The following POU2AF2 variants were observed in gnomAD, a reference collection of about 807,000 sequenced individuals.
POU2AF2 encodes POU class 2 homeobox associating factor 2.
At chr11:111,255,023 G>T in the POU2AF2 span, among the ~76,000 whole-genome samples, 18 of 152,110 alleles carry the variant, frequency 1.2e-4, no homozygotes, top group African/African-American at 4.1e-4. Flanking sequence ...CCAAACAAAA[G>T]GTTCTCTTAT....
At chr11:111,255,944 T>G in the POU2AF2 span, 2 of 398,982 alleles carry the variant, frequency 5.0e-6, no homozygotes, top group Non-Finnish European at 8.8e-6. Flanking sequence ...AACCTAATGA[T>G]TCCATCCACA....
At chr11:111,248,453 C>T in the POU2AF2 span, among the ~76,000 whole-genome samples, 35,290 of 152,052 alleles carry the variant, frequency 0.23, 4,549 homozygotes, top group South Asian at 0.29. Context: ...AGAGAATGGA[C>T]CAAATATAGA....
chr11:111,271,044 G>A, the POU2AF2 span, among the ~76,000 whole-genome samples: 6 of 152,162 alleles, frequency 3.9e-5, no homozygotes, highest in African/African-American at 7.2e-5. Context: ...AGTTCTGGGC[G>A]GGGTGCAGTG....
At chr11:111,268,051 A>C in the POU2AF2 span, among the ~76,000 whole-genome samples, 7 of 152,250 alleles carry the variant, frequency 4.6e-5, no homozygotes, top group Admixed American at 6.5e-5. Context: ...AAGAAGAAGA[A>C]GTCGAATACA....
At chr11:111,259,591 C>T in the POU2AF2 span, among the ~76,000 whole-genome samples, 2 of 152,130 alleles carry the variant, frequency 1.3e-5, no homozygotes, top group Admixed American at 6.5e-5. Context: ...GCTGGGATTA[C>T]AGGCGTGAGC....
At chr11:111,262,673 G>T in the POU2AF2 span, among the ~76,000 whole-genome samples, 3 of 152,110 alleles carry the variant, frequency 2.0e-5, no homozygotes, top group African/African-American at 7.2e-5. Context: ...CCTCCTTCTG[G>T]CTACAAATGG....
the POU2AF2 span, among the ~76,000 whole-genome samples, chr11:111,265,070 G>A: frequency 2.6e-5 from 4 of 152,062 alleles, no homozygotes; most frequent in African/African-American, 9.7e-5. Context: ...TGAGCAGTGA[G>A]CAGGAGTAGA....
At chr11:111,281,911 C>T in the POU2AF2 span, among the ~76,000 whole-genome samples, 2 of 152,202 alleles carry the variant, frequency 1.3e-5, no homozygotes, top group African/African-American at 4.8e-5. Context: ...TAAACACACA[C>T]CACACAGGCA....
At chr11:111,286,129 C>T in the POU2AF2 span, 1 of 1,523,628 alleles carries the variant, frequency 6.6e-7, no homozygotes, top group Non-Finnish European at 8.9e-7. Context: ...GTGTGTCAGC[C>T]CATTCAGGAC....
At chr11:111,262,762 A>G in the POU2AF2 span, among the ~76,000 whole-genome samples, 1 of 152,046 alleles carries the variant, frequency 6.6e-6, no homozygotes, top group African/African-American at 2.4e-5. Flanking sequence ...TGCGTCTAAG[A>G]TTTCTCTAGT....
At chr11:111,252,465 C>T in the POU2AF2 span, among the ~76,000 whole-genome samples, 1 of 152,000 alleles carries the variant, frequency 6.6e-6, no homozygotes, top group African/African-American at 2.4e-5. Flanking sequence ...GACGTATATT[C>T]TTTGACTTGT....
At chr11:111,266,998 G>A in the POU2AF2 span, among the ~76,000 whole-genome samples, 3 of 152,018 alleles carry the variant, frequency 2.0e-5, no homozygotes, top group African/African-American at 7.2e-5. Flanking sequence ...GTGATGGGTG[G>A]CCCCAATTAT....
At chr11:111,284,577 C>T in the POU2AF2 span, among the ~76,000 whole-genome samples, 52,778 of 152,132 alleles carry the variant, frequency 0.35, 9,662 homozygotes, top group African/African-American at 0.46. Context: ...CCATGACAGC[C>T]AGGAGCGTCT....
At chr11:111,276,453 A>AAAAAAAAAAATATATATATATATAT in the POU2AF2 span, among the ~76,000 whole-genome samples, 1 of 37,690 alleles carries the variant, frequency 2.7e-5, no homozygotes, top group African/African-American at 9.6e-5. Context: ...AAAAAAAAAA[A>AAAAAAAAAAATATATATATATATAT]ATATATATAT....
the POU2AF2 span, among the ~76,000 whole-genome samples, chr11:111,267,473 C>T: frequency 6.6e-6 from 1 of 152,168 alleles, no homozygotes; most frequent in Non-Finnish European, 1.5e-5. Context: ...TCTCTCTGAG[C>T]TTTTCTTCTT....
the POU2AF2 span, among the ~76,000 whole-genome samples, chr11:111,261,975 G>A: frequency 6.6e-6 from 1 of 152,144 alleles, no homozygotes; most frequent in African/African-American, 2.4e-5. Flanking sequence ...GACCAAAAGT[G>A]AACTATTTCC....
At chr11:111,275,497 A>C in the POU2AF2 span, among the ~76,000 whole-genome samples, 1 of 152,178 alleles carries the variant, frequency 6.6e-6, no homozygotes, top group South Asian at 2.1e-4. Context: ...CTTGGACTCC[A>C]GGATTAATGT....
chr11:111,280,057 A>ATATATATATATATATATATATATATATAT, the POU2AF2 span, among the ~76,000 whole-genome samples: 1 of 76,498 alleles, frequency 1.3e-5, no homozygotes, highest in Non-Finnish European at 2.5e-5. Flanking sequence ...AAAAAAAAAA[A>ATATATATATATATATATATATATATATAT]ATATATATAT....
chr11:111,245,766 A>C, the POU2AF2 span: 2 of 398,778 alleles, frequency 5.0e-6, no homozygotes, highest in East Asian at 3.6e-5. Context: ...GCTTTCTAGC[A>C]GACCAGGACC....
Sources: allele counts gnomAD v4.1 joint callset (sites outside exome capture counted in the v4.1 genomes callset), GRCh38; gene constraint gnomAD v4.1.1; transcripts MANE v1.5; gene names NCBI Gene and HGNC (gene_info 2026-07-23, HGNC 2026-07-21).